The following MCCC2 variants were observed in gnomAD, a reference collection of about 807,000 sequenced individuals.
MCCC2 encodes methylcrotonoyl-CoA carboxylase beta chain, mitochondrial.
A neutral mutation model predicts 77.2 loss-of-function variants in MCCC2; 52 were observed. That is an observed-to-expected ratio of 0.67 (90% CI 0.54 to 0.85). The LOEUF is 0.85. Among genes scored for constraint, MCCC2 ranks in the 40% least tolerant of loss-of-function variants. The pLI is 0.00. For missense variants in MCCC2, 682 were observed against 703.2 expected, an observed-to-expected ratio of 0.97 and a Z score of 0.34; for synonymous variants, 253 against 248.4, an observed-to-expected ratio of 1.02 and a Z score of -0.18.
In MCCC2 at chr5:71,637,870, G is replaced by A. The variant is rs370420765; in HGVS notation, c.999+2624G>A. 1.9e-3 allele frequency among the ~76,000 whole-genome samples: 293 copies of A among 152,168 alleles called. 2 individuals are homozygous for A. The highest frequency in any genetic ancestry group is 6.8e-3 in the Middle Eastern group (2 of 294). ...AGGGACTACAGGTGCCCGCCACTGC[G>A]CCTGGCTAATTTTTTGTATTTTTAG... On this transcript the variant is annotated intron_variant, in intron 10 of 16. Coordinates refer to ENST00000340941, the MANE Select transcript of MCCC2 (RefSeq NM_022132.5).
intron 6 of MCCC2, among the ~76,000 whole-genome samples, chr5:71,610,450 G>C (rs973695336): frequency 6.6e-6 from 1 of 152,152 alleles, no homozygotes; most frequent in Non-Finnish European, 1.5e-5. Context: ...CGCACCCACT[G>C]ACCTGCGCCC....
At chr5:71,641,194 G>A (rs946210785) in intron 11 of MCCC2, 119 bp downstream of exon 11, 23 of 858,474 alleles carry the variant, frequency 2.7e-5, no homozygotes, top group Non-Finnish European at 3.7e-5. Flanking sequence ...CACTACAAAT[G>A]TGTGAGCCAC....
chr5:71,633,509 A>C (rs1746814778), intron 8 of MCCC2, among the ~76,000 whole-genome samples: 1 of 151,752 alleles, frequency 6.6e-6, no homozygotes, highest in African/African-American at 2.4e-5. Flanking sequence ...GTTATTCATA[A>C]TAACCTGTTT....
At chr5:71,611,095 G>A (rs1338014901) in intron 6 of MCCC2, among the ~76,000 whole-genome samples, 1 of 151,674 alleles carries the variant, frequency 6.6e-6, no homozygotes, top group African/African-American at 2.4e-5. Context: ...TATGTATGAA[G>A]AGATACTTAG....
chr5:71,633,091 TTATATATATATATATATATATATA>T lies in MCCC2; in HGVS notation c.803+924_803+947del, dbSNP rs137979624. 3.0e-4 allele frequency among the ~76,000 whole-genome samples: 25 copies of T among 84,246 alleles called. 3 individuals are homozygous for T. In the East Asian group the frequency reaches 8.6e-3, roughly 29 times the overall value. 55.3% of individuals were successfully genotyped at this position (84,246 alleles called of 152,430 possible). ...GAGGAGGAGGGTTTTTTTTTCAGTT[TTATATATATATATATATATATATA>T]TATATATATATATATATTTTTATTT... On this transcript the variant is annotated intron_variant, in intron 8 of 16. Coordinates refer to ENST00000340941, the MANE Select transcript of MCCC2 (RefSeq NM_022132.5).
intron 6 of MCCC2, among the ~76,000 whole-genome samples, chr5:71,608,797 G>T (rs1745796201): frequency 6.6e-6 from 1 of 152,162 alleles, no homozygotes; most frequent in Non-Finnish European, 1.5e-5. Context: ...TTGCTTGTCT[G>T]TAAAGGATTT....
chr5:71,618,507 T>TCCTGCCTG (rs1245446557), intron 6 of MCCC2, among the ~76,000 whole-genome samples: 3 of 60,166 alleles, frequency 5.0e-5, no homozygotes, highest in African/African-American at 1.6e-4. Flanking sequence ...CTTCCTTCCT[T>TCCTGCCTG]CCTTCCTTCC....
chr5:71,604,096 C>T (rs528902086), intron 5 of MCCC2, among the ~76,000 whole-genome samples: 28 of 152,308 alleles, frequency 1.8e-4, no homozygotes, highest in Non-Finnish European at 4.0e-4. Flanking sequence ...GGGGCTTTAG[C>T]TGGTCCTCAA....
intron 2 of MCCC2, 94 bp from the exon 3 acceptor site, chr5:71,596,186 A>G: frequency 8.9e-7 from 1 of 1,119,998 alleles, no homozygotes; most frequent in African/African-American, 1.5e-5. Context: ...ACTTTTAAAA[A>G]GTGCTATATT....
Position 71,656,739 on chromosome 5 carries a change from T to A in MCCC2, c.1575-4T>A. 6.2e-7 allele frequency: 1 copy of A among 1,610,844 alleles called. No individual in the cohort carries two copies. On this transcript the variant is annotated splice_region_variant and splice_polypyrimidine_tract_variant and intron_variant, in intron 16 of 16. Coordinates refer to ENST00000340941, the MANE Select transcript of MCCC2 (RefSeq NM_022132.5). The stretch of plus-strand genomic sequence containing the variant: ...TCATAACTCTTTTTTTGTTCTTTTG[T>A]CAGGGTATGGGATGATGGGATCATT...
chr5:71,610,619 G>C (rs1345985578), intron 6 of MCCC2, among the ~76,000 whole-genome samples: 1 of 152,174 alleles, frequency 6.6e-6, no homozygotes, highest in Non-Finnish European at 1.5e-5. Flanking sequence ...TCCACAGAGA[G>C]TATCTAAAGG....
intron 10 of MCCC2, chr5:71,636,243 C>A (rs886438564): frequency 9.6e-6 from 2 of 208,316 alleles, no homozygotes; most frequent in Non-Finnish European, 2.1e-5. Flanking sequence ...TTAGGCAATA[C>A]CCCAGCATTG....
chr5:71,616,454 C>T (rs1746156567), intron 6 of MCCC2, among the ~76,000 whole-genome samples: 1 of 152,212 alleles, frequency 6.6e-6, no homozygotes, highest in Non-Finnish European at 1.5e-5. Context: ...GATTAGAGGA[C>T]AGCTGGTGTC....
At chr5:71,599,155 G>A (rs1431831270) in intron 3 of MCCC2, among the ~76,000 whole-genome samples, 1 of 151,998 alleles carries the variant, frequency 6.6e-6, no homozygotes, top group Non-Finnish European at 1.5e-5. Flanking sequence ...ATAACCTTCA[G>A]GTAAGGAGTT....
intron 11 of MCCC2, among the ~76,000 whole-genome samples, chr5:71,642,692 A>G (rs920924960): frequency 2.6e-5 from 4 of 152,156 alleles, no homozygotes; most frequent in Non-Finnish European, 5.9e-5. Flanking sequence ...GGATTTCTGG[A>G]CTTTTTGGAA....
chr5:71,627,994 C>A (rs905162953), intron 7 of MCCC2, among the ~76,000 whole-genome samples: 3 of 152,128 alleles, frequency 2.0e-5, no homozygotes, highest in African/African-American at 7.2e-5. Context: ...CAGGTGCACG[C>A]CACCACTCCC....
chr5:71,651,970 G>A (rs1437888848), intron 15 of MCCC2, among the ~76,000 whole-genome samples: 2 of 152,126 alleles, frequency 1.3e-5, no homozygotes, highest in Non-Finnish European at 2.9e-5. Flanking sequence ...CTCAGAATTC[G>A]TGACCTAGAA....
At position 71,656,765 on chromosome 5, in the gene MCCC2, G is replaced by T; in HGVS notation, c.1597G>T (p.Asp533Tyr). 1 of 1,613,968 alleles carries T rather than the reference G, an allele frequency of 6.2e-7. No individual in the cohort carries two copies. ...CAGGGTATGGGATGATGGGATCATTGATCCAGCAGACACCAGACTGGTCTT... is the reference window on the plus strand; with the variant it reads ...CAGGGTATGGGATGATGGGATCATTTATCCAGCAGACACCAGACTGGTCTT... ...SARVWDDGIIDPADTRLVLGL... is the reference protein window; with the variant it reads ...SARVWDDGIIYPADTRLVLGL... Residue 533 changes from aspartate to tyrosine, a missense_variant, in exon 17 of 17, where the codon GAT (aspartate) becomes TAT (tyrosine). Transcript: ENST00000340941.
intron 1 of MCCC2, among the ~76,000 whole-genome samples, chr5:71,592,477 T>C (rs914959536): frequency 6.6e-6 from 1 of 152,156 alleles, no homozygotes; most frequent in Non-Finnish European, 1.5e-5. Flanking sequence ...CAAGCATTGG[T>C]TGGAATCTCA....
Sources: gnomAD v4.1 joint callset for allele counts (sites outside exome capture counted in the v4.1 genomes callset) on GRCh38, gnomAD v4.1.1 for gene constraint, MANE v1.5 for transcripts, NCBI Gene and HGNC (gene_info 2026-07-23, HGNC 2026-07-21) for gene names.